Variants in TP53BP2 observed in about 807,000 individuals in gnomAD.
The protein encoded by TP53BP2 is apoptosis-stimulating of p53 protein 2.
A neutral mutation model predicts 126.2 loss-of-function variants in TP53BP2; 62 were observed. The ratio of observed to expected loss-of-function variants is 0.49; its 90% CI spans 0.40 to 0.61. The LOEUF (loss-of-function observed/expected upper bound fraction) is 0.61. TP53BP2 is among the 20% of genes least tolerant of loss of function. The probability of loss-of-function intolerance (pLI) is 0.00; values close to 1 mark genes in which losing one functional copy is unlikely to be tolerated. For synonymous variants in TP53BP2, 485 were observed against 502.9 expected, an observed-to-expected ratio of 0.96 and a Z score of 0.48; for missense variants, 1,215 against 1,402.8, an observed-to-expected ratio of 0.87 and a Z score of 2.14.
chr1:223,801,386 A>C (rs1368145246), intron 9 of TP53BP2, among the ~76,000 whole-genome samples: 2 of 152,250 alleles, frequency 1.3e-5, no homozygotes, highest in African/African-American at 4.8e-5. Context: ...ATAACAAATA[A>C]TTTGAAAATC....
intron 1 of TP53BP2, among the ~76,000 whole-genome samples, chr1:223,836,940 C>G (rs1184793390): frequency 6.6e-6 from 1 of 151,840 alleles, no homozygotes; most frequent in African/African-American, 2.4e-5. Flanking sequence ...AAAATAGATA[C>G]CCCCCAAACT....
chr1:223,803,194 AC>A (rs1328048830), intron 7 of TP53BP2, 76 bp downstream of exon 7: 2 of 1,473,524 alleles, frequency 1.4e-6, no homozygotes, highest in South Asian at 2.7e-5. Flanking sequence ...GAAATCTAGC[AC>A]CTCTTGCTAC....
chr1:223,845,590 C>G, intron 1 of TP53BP2, 64 bp downstream of exon 1: 2 of 1,497,724 alleles, frequency 1.3e-6, no homozygotes, highest in Non-Finnish European at 8.8e-7. Flanking sequence ...AGGGCGCGGA[C>G]CAGCCCCCGG....
chr1:223,799,956 A>C lies in TP53BP2; in HGVS notation c.1428T>G (p.Pro476=). ...GGTTCTTCCTCAGAGTACCAAAGGA[A>C]GGTGGGGCATTGGACTGGTCTACTG... ...FDAVDQSNAP[P]SFGTLRKNQS... Residue 476 remains proline, a synonymous_variant, in exon 11 of 18, where the codon CCT becomes CCG. Coordinates refer to ENST00000343537, the MANE Select transcript of TP53BP2 (RefSeq NM_001031685.3). The C allele has an allele frequency of 6.2e-7, 1 of 1,613,190 alleles. No homozygotes were observed. Among genetic ancestry groups the C allele is most frequent in the Non-Finnish European group, 8.5e-7 (1 of 1,179,706 alleles).
intron 3 of TP53BP2, among the ~76,000 whole-genome samples, chr1:223,813,358 T>G (rs964824782): frequency 6.6e-6 from 1 of 152,216 alleles, no homozygotes; most frequent in African/African-American, 2.4e-5. Context: ...AAATTTTCAA[T>G]TCAAACCTTC....
In TP53BP2 at chr1:223,804,259, T is replaced by C; in HGVS notation, c.564A>G (p.Ile188Met). ...TTAGCTTAGCTTCCTGATTCTCAGC[T>C]ATTTCTTTTAGCCTTTTAAGTTTCT... is the stretch of plus-strand genomic sequence containing the variant. Reference protein sequence around the residue: ...EQEKLKRLKEIAENQEAKLKK... With the variant: ...EQEKLKRLKEMAENQEAKLKK... The change falls in exon 6 of 18, where the codon ATA (isoleucine) becomes ATG (methionine). Residue 188 changes from isoleucine to methionine, a missense_variant. Transcript: ENST00000343537. The C allele has an allele frequency of 6.2e-7, 1 of 1,614,228 alleles. No homozygotes were observed. Among genetic ancestry groups the C allele is most frequent in the Non-Finnish European group, 8.5e-7 (1 of 1,180,024 alleles).
At chr1:223,845,542 C>A (rs188483455) in intron 1 of TP53BP2, 112 bp downstream of exon 1, 1 of 1,196,052 alleles carries the variant, frequency 8.4e-7, no homozygotes. Context: ...CCCCTCCGCG[C>A]GGGCTGCGGC....
intron 15 of TP53BP2, 106 bp downstream of exon 15, chr1:223,792,283 A>T: frequency 7.7e-7 from 1 of 1,300,740 alleles, no homozygotes; most frequent in Non-Finnish European, 1.1e-6. Context: ...AAGCAGCTCA[A>T]GGACATAACT....
intron 2 of TP53BP2, among the ~76,000 whole-genome samples, chr1:223,815,626 T>C (rs914154179): frequency 1.3e-5 from 2 of 152,212 alleles, no homozygotes; most frequent in Non-Finnish European, 2.9e-5. Flanking sequence ...CCGATGGCCC[T>C]GTGATGGCAA....
At chr1:223,781,683 C>G (rs893775863) in intron 17 of TP53BP2, among the ~76,000 whole-genome samples, 2 of 151,824 alleles carry the variant, frequency 1.3e-5, no homozygotes, top group Admixed American at 6.6e-5. Context: ...CCAGTTAAAA[C>G]TGAAAAACTG....
rs904060714 is a variant in TP53BP2 at position 223,845,568 on chromosome 1, C to T, written c.27+86G>A. ...GGGCTGCGGCCCCCAGGCTCCTTCC[C>T]CGACGCGCCCGAGGGCGCGGACCAG... On this transcript the variant is annotated intron_variant, in intron 1 of 17. Transcript: ENST00000343537. 96 of 1,390,114 alleles carry T rather than the reference C, an allele frequency of 6.9e-5. No individual in the cohort carries two copies. In the African/African-American group the frequency reaches 1.3e-3, roughly 18 times the overall value. 86.1% of individuals were successfully genotyped at this position (1,390,114 alleles called of 1,614,324 possible).
intron 2 of TP53BP2, among the ~76,000 whole-genome samples, chr1:223,815,203 C>T (rs1439456851): frequency 6.6e-6 from 1 of 152,176 alleles, no homozygotes; most frequent in Non-Finnish European, 1.5e-5. Context: ...ACTATCTTAA[C>T]ACCTTAAATA....
At chr1:223,839,247 C>T (rs913618559) in intron 1 of TP53BP2, among the ~76,000 whole-genome samples, 2 of 152,134 alleles carry the variant, frequency 1.3e-5, no homozygotes, top group African/African-American at 4.8e-5. Flanking sequence ...ATTACTTAAG[C>T]CCTTTGAGCT....
chr1:223,841,018 C>T (rs796298617), intron 1 of TP53BP2, among the ~76,000 whole-genome samples: 31 of 152,142 alleles, frequency 2.0e-4, no homozygotes, highest in African/African-American at 5.3e-4. Flanking sequence ...TTTGGGAGGC[C>T]GAGGCTAGTG....
chr1:223,805,000 T>C (rs1203020638), intron 5 of TP53BP2, among the ~76,000 whole-genome samples: 2 of 152,228 alleles, frequency 1.3e-5, no homozygotes, highest in Non-Finnish European at 2.9e-5. Flanking sequence ...GAATCTGAAA[T>C]TGTTTCTTTC....
At chr1:223,788,792 T>C (rs1662055524) in intron 16 of TP53BP2, among the ~76,000 whole-genome samples, 2 of 152,196 alleles carry the variant, frequency 1.3e-5, no homozygotes, top group African/African-American at 4.8e-5. Context: ...GCTGCAACAC[T>C]GTCTTTTGTA....
At chr1:223,826,273 G>A (rs1304554503) in intron 1 of TP53BP2, among the ~76,000 whole-genome samples, 1 of 152,192 alleles carries the variant, frequency 6.6e-6, no homozygotes, top group East Asian at 1.9e-4. Context: ...CCCAAACTTT[G>A]GTGTGGACAG....
Position 223,821,201 on chromosome 1 carries a change from G to A in TP53BP2, c.175+19C>T, listed in dbSNP as rs1378935295. On this transcript the variant is annotated intron_variant, in intron 2 of 17. Coordinates refer to ENST00000343537, the MANE Select transcript of TP53BP2 (RefSeq NM_001031685.3). The stretch of plus-strand genomic sequence containing the variant: ...AGAAGACAGAAGAACTAAAGCACGA[G>A]GCTGTCAGCGTCTCTCACCAGAGCC... 2 of 1,613,784 alleles carry A rather than the reference G, an allele frequency of 1.2e-6. No homozygotes were observed. Among genetic ancestry groups the A allele is most frequent in the Non-Finnish European group, 1.7e-6 (2 of 1,179,878 alleles).
At position 223,792,470 on chromosome 1, in the gene TP53BP2, G is replaced by C. The variant is rs1189951902; in HGVS notation, c.2915C>G (p.Ala972Gly). 11 of 1,613,910 alleles carry C rather than the reference G, an allele frequency of 6.8e-6. No individual in the cohort carries two copies. Among genetic ancestry groups the C allele is most frequent in the Non-Finnish European group, 6.8e-6 (8 of 1,179,958 alleles). The change falls in exon 15 of 18, where the codon GCT becomes GGT. Residue 972 changes from alanine (A) to glycine (G), a missense_variant. Ala to Gly is a moderately conservative substitution (Grantham distance 60). This residue lies in a region of TP53BP2 where 151 missense variants were observed against 231.2 expected (regional missense o/e 0.65). Transcript: ENST00000343537. ...NDEGITALHNAVCAGHTEIVK... is the reference protein window; with the variant it reads ...NDEGITALHNGVCAGHTEIVK... ...GATTTCTGTGTGGCCTGCACACACAGCATTGTGAAGAGCCGTGATGCCTTC... is the reference window on the plus strand; with the variant it reads ...GATTTCTGTGTGGCCTGCACACACACCATTGTGAAGAGCCGTGATGCCTTC...
Sources: allele counts gnomAD v4.1 joint callset (sites outside exome capture counted in the v4.1 genomes callset), GRCh38; gene constraint gnomAD v4.1.1; regional missense constraint gnomAD v4.1.1; transcripts MANE v1.5; gene names NCBI Gene and HGNC (gene_info 2026-07-23, HGNC 2026-07-21).